The following FGF13 variants were observed in gnomAD, a reference collection of about 807,000 sequenced individuals.
FGF13 encodes the protein fibroblast growth factor homologous factor 2.
FGF13 carries 2 observed loss-of-function variants against 19.5 expected under a neutral mutation model. That is an observed-to-expected ratio of 0.10 (90% CI 0.04 to 0.32). The LOEUF (loss-of-function observed/expected upper bound fraction) is 0.32, where lower values mean the gene tolerates loss of function less well. Among genes scored for constraint, FGF13 ranks in the 10% least tolerant of loss-of-function variants. The pLI, the probability that FGF13 is intolerant of heterozygous loss-of-function variation, is 1.00. For synonymous variants in FGF13, 72 were observed against 76.9 expected (o/e 0.94, Z 0.33); for missense variants, 113 against 192.7 (o/e 0.59, Z 2.45).
chrX:138,637,038 T>TC (rs751352110), intron 3 of FGF13, among the ~76,000 whole-genome samples: 2 of 111,287 alleles, frequency 1.8e-5, no homozygotes, highest in African/African-American at 6.5e-5. Flanking sequence ...CTGCCTAATC[T>TC]CCCCCCATCT....
At chrX:139,025,612 C>T (rs1318727473) in intron 1 of FGF13, among the ~76,000 whole-genome samples, 1 of 111,354 alleles carries the variant, frequency 9.0e-6, no homozygotes, top group Non-Finnish European at 1.9e-5. Flanking sequence ...CATTCTCTCC[C>T]TTTTCTTTCA....
At chrX:138,961,368 C>A (rs1317609441) in intron 1 of FGF13, among the ~76,000 whole-genome samples, 1 of 111,437 alleles carries the variant, frequency 9.0e-6, no homozygotes, top group Non-Finnish European at 1.9e-5. Flanking sequence ...TACTGCAGAA[C>A]ACGATCCTTC....
intron 3 of FGF13, among the ~76,000 whole-genome samples, chrX:138,780,562 CAAAG>C (rs1278231027): frequency 3.4e-5 from 3 of 89,110 alleles, no homozygotes; most frequent in African/African-American, 1.3e-4. Flanking sequence ...TCAAAAGAGA[CAAAG>C]AAGGCCATTA....
At chrX:138,880,780 G>A (rs1472240178) in intron 1 of FGF13, among the ~76,000 whole-genome samples, 1 of 111,948 alleles carries the variant, frequency 8.9e-6, no homozygotes, top group African/African-American at 3.2e-5. Flanking sequence ...TACGCTATTA[G>A]TCTATATGTA....
At chrX:138,776,786 C>T (rs1022612034) in intron 3 of FGF13, among the ~76,000 whole-genome samples, 2 of 111,668 alleles carry the variant, frequency 1.8e-5, no homozygotes, top group Non-Finnish European at 3.8e-5. Flanking sequence ...TGGGACCTCG[C>T]TCTGTTGACT....
chrX:138,659,935 C>G (rs185858913), intron 3 of FGF13, among the ~76,000 whole-genome samples: 8 of 110,980 alleles, frequency 7.2e-5, no homozygotes, highest in Admixed American at 6.7e-4. Flanking sequence ...GGAGGGAGAG[C>G]TTTAGGACAA....
intron 1 of FGF13, among the ~76,000 whole-genome samples, chrX:139,128,204 C>A (rs1291398440): frequency 4.5e-5 from 5 of 110,753 alleles, no homozygotes; most frequent in Non-Finnish European, 9.4e-5. Flanking sequence ...AGAGTGAGAT[C>A]CCTGCCTCAT....
In FGF13 at chrX:139,062,161, C is replaced by T. The variant is rs754794196; in HGVS notation, c.-113+141255G>A. On this transcript the variant is annotated intron_variant, in intron 1 of 2. Transcript: ENST00000421460. ...TCCCAGGCCAATGTCACGGAGCTTTCCCCCATGTTTTCCTCTAGTAGTTTC... is the reference window on the plus strand; with the variant it reads ...TCCCAGGCCAATGTCACGGAGCTTTTCCCCATGTTTTCCTCTAGTAGTTTC... Among the ~76,000 whole-genome samples the T allele has an allele frequency of 3.6e-5, 4 of 111,123 alleles. No homozygotes were observed. In the South Asian group the frequency reaches 1.5e-3, roughly 42 times the overall value.
intron 3 of FGF13, among the ~76,000 whole-genome samples, chrX:138,828,722 T>C (rs748339763): frequency 9.2e-6 from 1 of 109,206 alleles, no homozygotes; most frequent in African/African-American, 3.4e-5. Context: ...TTATTAGAAG[T>C]ATTTTTTTTT....
chrX:138,897,451 G>C (rs1279987778), intron 1 of FGF13, among the ~76,000 whole-genome samples: 1 of 111,344 alleles, frequency 9.0e-6, no homozygotes, highest in Non-Finnish European at 1.9e-5. Context: ...ACATTCTGTT[G>C]ATCACTAACT....
At chrX:138,681,626 T>C (rs900900394) in intron 3 of FGF13, among the ~76,000 whole-genome samples, 27 of 112,922 alleles carry the variant, frequency 2.4e-4, no homozygotes, top group Non-Finnish European at 4.3e-4. Flanking sequence ...GCCTAGTTTT[T>C]GGCTTATTTC....
intron 3 of FGF13, among the ~76,000 whole-genome samples, chrX:138,828,297 C>T (rs1013186990): frequency 0.032 from 3 of 94 alleles, no homozygotes; most frequent in South Asian, 1. Flanking sequence ...GGGCCGGGCG[C>T]GGTGGTCACG....
At chrX:138,924,469 T>C (rs2091661861) in intron 1 of FGF13, among the ~76,000 whole-genome samples, 1 of 112,073 alleles carries the variant, frequency 8.9e-6, no homozygotes, top group South Asian at 3.7e-4. Flanking sequence ...TGTGACATGA[T>C]ACAGGAGTAA....
chrX:138,709,599 T>C (rs1382818972), intron 1 of FGF13, among the ~76,000 whole-genome samples: 1 of 112,250 alleles, frequency 8.9e-6, no homozygotes, highest in East Asian at 2.8e-4. Flanking sequence ...CAGTGCATAC[T>C]AATTTTTCAA....
intron 1 of FGF13, among the ~76,000 whole-genome samples, chrX:139,005,718 C>A (rs2092098200): frequency 9.4e-6 from 1 of 106,634 alleles, no homozygotes. Context: ...AGAATGCTAT[C>A]AGATAAATTA....
At chrX:138,729,649 G>A (rs2090213294) in intron 1 of FGF13, among the ~76,000 whole-genome samples, 1 of 109,794 alleles carries the variant, frequency 9.1e-6, no homozygotes, top group Non-Finnish European at 1.9e-5. Context: ...AACATGTTAT[G>A]TATCTAAGAA....
chrX:138,818,912 G>A (rs1398516550), intron 3 of FGF13, among the ~76,000 whole-genome samples: 5 of 111,733 alleles, frequency 4.5e-5, no homozygotes, highest in Non-Finnish European at 9.4e-5. Flanking sequence ...CAGGTGTCAG[G>A]AGGCTAGAGA....
At chrX:138,752,559 C>T (rs761917393) in intron 3 of FGF13, among the ~76,000 whole-genome samples, 22 of 112,331 alleles carry the variant, frequency 2.0e-4, no homozygotes, top group Non-Finnish European at 3.8e-4. Flanking sequence ...TAGATATATA[C>T]GTATGTATAA....
At chrX:139,066,405 C>A (rs1306747734) in intron 1 of FGF13, among the ~76,000 whole-genome samples, 5 of 111,238 alleles carry the variant, frequency 4.5e-5, no homozygotes, top group African/African-American at 1.6e-4. Flanking sequence ...ATATATAGAC[C>A]ACTACCCAGA....
Sources: gnomAD v4.1 joint callset for allele counts (sites outside exome capture counted in the v4.1 genomes callset) on GRCh38, gnomAD v4.1.1 for gene constraint, MANE v1.5 for transcripts, NCBI Gene and HGNC (gene_info 2026-07-23, HGNC 2026-07-21) for gene names.